Variants in SPIDR observed in about 807,000 individuals in gnomAD.
SPIDR encodes DNA repair-scaffolding protein.
SPIDR carries 93 observed loss-of-function variants against 104.6 expected under a neutral mutation model. The observed-to-expected ratio is 0.89, with a 90% confidence interval of 0.75 to 1.06. The LOEUF is 1.06. SPIDR is among the 50% of genes least tolerant of loss of function. The pLI, the probability that SPIDR is intolerant of heterozygous loss-of-function variation, is 0.00. For missense variants in SPIDR, 1,154 were observed against 1,111.2 expected (o/e 1.04, Z -0.55); for synonymous variants, 431 against 416.9 (o/e 1.03, Z -0.41).
At chr8:47,520,950 C>T (rs952216296) in intron 8 of SPIDR, among the ~76,000 whole-genome samples, 4 of 152,220 alleles carry the variant, frequency 2.6e-5, no homozygotes, top group Admixed American at 6.5e-5. Flanking sequence ...AGCATGACAT[C>T]GTCCTGCTGC....
intron 8 of SPIDR, among the ~76,000 whole-genome samples, chr8:47,466,532 C>T (rs552688754): frequency 5.0e-4 from 76 of 152,104 alleles, no homozygotes; most frequent in African/African-American, 1.7e-3. Context: ...AGTGTTAAGA[C>T]GGAAATTTGT....
rs1161450259 is a variant in SPIDR at position 47,317,010 on chromosome 8, G to C, written c.525+22980G>C. Among the ~76,000 whole-genome samples, 30 of 152,116 alleles carry C rather than the reference G, an allele frequency of 2.0e-4. 1 individual carries two copies. The highest frequency in any genetic ancestry group is 2.0e-3 in the Admixed American group (30 of 15,288). Reference sequence around the variant, plus strand: ...GCTGAATGGGAACAGCTCCAGTCTAGAGCTCCCAGCTTGAGCGACGTAGAA... The same window carrying C: ...GCTGAATGGGAACAGCTCCAGTCTACAGCTCCCAGCTTGAGCGACGTAGAA... On this transcript the variant is annotated intron_variant, in intron 5 of 19. Coordinates refer to ENST00000297423, the MANE Select transcript of SPIDR (RefSeq NM_001080394.4).
chr8:47,511,331 A>AGATG (rs1308717116), intron 8 of SPIDR: 3 of 1,215,704 alleles, frequency 2.5e-6, no homozygotes, highest in Middle Eastern at 1.9e-4. Context: ...TGGACTGGAG[A>AGATG]GATGGTACTC....
At chr8:47,279,737 A>G (rs1408059712) in intron 1 of SPIDR, 125 bp from the exon 2 acceptor site, 1 of 947,476 alleles carries the variant, frequency 1.1e-6, no homozygotes, top group Admixed American at 2.8e-5. Flanking sequence ...GAGACATTCA[A>G]AAACTATACC....
intron 10 of SPIDR, among the ~76,000 whole-genome samples, chr8:47,600,629 C>T (rs942864632): frequency 2.0e-5 from 3 of 152,086 alleles, no homozygotes; most frequent in Non-Finnish European, 4.4e-5. Flanking sequence ...AGATGTAGAC[C>T]AGTCTTCTAC....
At chr8:47,443,670 A>G (rs2069935436) in intron 8 of SPIDR, among the ~76,000 whole-genome samples, 2 of 151,296 alleles carry the variant, frequency 1.3e-5, no homozygotes, top group African/African-American at 4.9e-5. Context: ...AACTTGAGAA[A>G]TAATAGTGAA....
In SPIDR at chr8:47,514,376, C is replaced by T. The variant is rs965972345; in HGVS notation, c.1097+73834C>T. Among the ~76,000 whole-genome samples, 3 of 152,320 alleles carry T rather than the reference C, an allele frequency of 2.0e-5. No homozygotes were observed. The East Asian group carries it at 5.8e-4, about 29-fold the overall frequency. On this transcript the variant is annotated intron_variant, in intron 8 of 19. Coordinates refer to ENST00000297423, the MANE Select transcript of SPIDR (RefSeq NM_001080394.4). ...CTTGTCTATCAATTCTACAAACATG[C>T]ACTCACTGCTCTGTGTTGGTGCTGA...
intron 8 of SPIDR, among the ~76,000 whole-genome samples, chr8:47,485,301 G>T (rs530003650): frequency 3.9e-5 from 6 of 152,350 alleles, no homozygotes; most frequent in South Asian, 4.1e-4. Flanking sequence ...CAGCGAGGCT[G>T]GGGGAGGGGC....
chr8:47,473,746 T>C (rs2075982532), intron 8 of SPIDR, among the ~76,000 whole-genome samples: 2 of 152,292 alleles, frequency 1.3e-5, no homozygotes. Flanking sequence ...AAGACCAGTG[T>C]AGCCATATAG....
At chr8:47,414,634 AGTT>A (rs1467206918) in intron 7 of SPIDR, among the ~76,000 whole-genome samples, 2 of 152,084 alleles carry the variant, frequency 1.3e-5, no homozygotes, top group Non-Finnish European at 2.9e-5. Flanking sequence ...TATTTATTCA[AGTT>A]GTTGTGTATG....
chr8:47,384,015 C>T (rs1194151010), intron 5 of SPIDR, among the ~76,000 whole-genome samples: 1 of 152,078 alleles, frequency 6.6e-6, no homozygotes, highest in Non-Finnish European at 1.5e-5. Flanking sequence ...ATTTAATTCT[C>T]GCAACTTACT....
At chr8:47,362,201 A>G (rs1010278109) in intron 5 of SPIDR, among the ~76,000 whole-genome samples, 2 of 152,218 alleles carry the variant, frequency 1.3e-5, no homozygotes, top group African/African-American at 4.8e-5. Context: ...GACGTGGCCT[A>G]TGGTGCCACA....
chr8:47,589,018 G>GTTTTTTTTTTTT (rs1564409706), intron 8 of SPIDR, among the ~76,000 whole-genome samples: 1 of 108,564 alleles, frequency 9.2e-6, no homozygotes, highest in Non-Finnish European at 2.0e-5. Flanking sequence ...TTGGTTTATA[G>GTTTTTTTTTTTT]TTTGTTTTTT....
chr8:47,598,012 C>A (rs1182905506), intron 9 of SPIDR, among the ~76,000 whole-genome samples: 3 of 151,882 alleles, frequency 2.0e-5, no homozygotes, highest in African/African-American at 7.3e-5. Flanking sequence ...CAAGCAAAAT[C>A]TCTCTTTGAC....
intron 7 of SPIDR, among the ~76,000 whole-genome samples, chr8:47,413,824 TA>T (rs1237187606): frequency 6.6e-6 from 1 of 151,900 alleles, no homozygotes; most frequent in African/African-American, 2.4e-5. Context: ...ATTTTCCAGA[TA>T]AAAAAAACTG....
chr8:47,669,989 A>C (rs2075579459), intron 10 of SPIDR, among the ~76,000 whole-genome samples: 2 of 152,094 alleles, frequency 1.3e-5, no homozygotes, highest in Admixed American at 1.3e-4. Context: ...ACAGAGTGAG[A>C]CTCTGTTTCA....
intron 8 of SPIDR, among the ~76,000 whole-genome samples, chr8:47,534,344 C>G (rs1030096669): frequency 6.6e-6 from 1 of 152,176 alleles, no homozygotes; most frequent in Non-Finnish European, 1.5e-5. Flanking sequence ...ATGTTTATTG[C>G]AGCACTGTTC....
chr8:47,457,292 G>C lies in SPIDR; in HGVS notation c.1097+16750G>C, dbSNP rs1259811065. ...TATTATTTTTTGATGTTTTGATTAT[G>C]GCCATTCTTGCAGGAAGTAAGGTGG... is the stretch of plus-strand genomic sequence containing the variant. On this transcript the variant is annotated intron_variant, in intron 8 of 19. Coordinates refer to ENST00000297423, the MANE Select transcript of SPIDR (RefSeq NM_001080394.4). Among the ~76,000 whole-genome samples the C allele has an allele frequency of 3.9e-5, 6 of 152,126 alleles. No homozygotes were observed. The Middle Eastern group carries it at 0.01, about 259-fold the overall frequency.
intron 8 of SPIDR, among the ~76,000 whole-genome samples, chr8:47,495,444 T>C (rs900129943): frequency 3.3e-5 from 5 of 151,918 alleles, no homozygotes; most frequent in Non-Finnish European, 5.9e-5. Flanking sequence ...TTAAAATGTA[T>C]AGTTAAGTGG....
Sources: allele counts gnomAD v4.1 joint callset (sites outside exome capture counted in the v4.1 genomes callset), GRCh38; gene constraint gnomAD v4.1.1; transcripts MANE v1.5; gene names NCBI Gene and HGNC (gene_info 2026-07-23, HGNC 2026-07-21).